GALNT18: variants seen among roughly 807,000 people sequenced by gnomAD.
The protein encoded by GALNT18 is polypeptide N-acetylgalactosaminyltransferase 18, also known as GalNAc-transferase 18.
A neutral mutation model predicts 69.5 loss-of-function variants in GALNT18; 44 were observed. The observed-to-expected ratio is 0.63, with a 90% CI of 0.50 to 0.81. The LOEUF (loss-of-function observed/expected upper bound fraction) is 0.81. Ranked by LOEUF, GALNT18 falls within the 40% of genes least tolerant of loss-of-function variation. GALNT18 has a pLI of 0.00. For missense variants in GALNT18, 715 were observed against 810.0 expected (o/e 0.88, Z 1.42); for synonymous variants, 364 against 318.2 (o/e 1.14, Z -1.53).
chr11:11,338,203 A>G lies in GALNT18; in HGVS notation c.1278+2616T>C, dbSNP rs1226303109. Among the ~76,000 whole-genome samples, 1 of 152,024 alleles carries G rather than the reference A, an allele frequency of 6.6e-6. No individual in the cohort carries two copies. Among genetic ancestry groups the G allele is most frequent in the Non-Finnish European group, 1.5e-5 (1 of 67,984 alleles). ...GGCTGTTCTTGAACTCCTGACCCCA[A>G]GTGATTCACCCACCTCAGCCTCCCA... On this transcript the variant is annotated intron_variant, in intron 7 of 10. Transcript: ENST00000227756. The surrounding 1 kb of genome is among the most constrained non-coding windows in gnomAD (Gnocchi z 5.3).
chr11:11,595,953 G>C lies in GALNT18; in HGVS notation c.235+25406C>G, dbSNP rs1297183815. Among the ~76,000 whole-genome samples, 1 of 151,950 alleles carries C rather than the reference G, an allele frequency of 6.6e-6. No homozygotes were observed. The highest frequency in any genetic ancestry group is 1.5e-5 in the Non-Finnish European group (1 of 67,958). The stretch of plus-strand genomic sequence containing the variant: ...GTGCTTTTGATGTCATACCTAAGTG[G>C]CCTTTGCCTAATCTAAAGTCACAAA... On this transcript the variant is annotated intron_variant, in intron 1 of 10. Coordinates refer to ENST00000227756, the MANE Select transcript of GALNT18 (RefSeq NM_198516.3). This position sits in a 1 kb window ranked among gnomAD's most constrained non-coding sequence, Gnocchi z 5.2.
intron 2 of GALNT18, among the ~76,000 whole-genome samples, chr11:11,445,338 A>T (rs75315100): frequency 0.019 from 2,964 of 152,314 alleles, 104 homozygotes; most frequent in African/African-American, 0.068. Flanking sequence ...TACTGTGAAG[A>T]CTCAAGGAGT....
rs796257445 is a variant in GALNT18 at position 11,494,077 on chromosome 11, A to C, written c.236-45141T>G. Among the ~76,000 whole-genome samples the C allele has an allele frequency of 2.0e-5, 3 of 152,354 alleles. No individual in the cohort carries two copies. The highest frequency in any genetic ancestry group is 7.2e-5 in the African/African-American group (3 of 41,588). On this transcript the variant is annotated intron_variant, in intron 1 of 10. Coordinates refer to ENST00000227756, the MANE Select transcript of GALNT18 (RefSeq NM_198516.3). The surrounding 1 kb of genome is among the most constrained non-coding windows in gnomAD (Gnocchi z 5.7). The stretch of plus-strand genomic sequence containing the variant: ...GCTCAGAGTGCTGCTGCAAGGATTT[A>C]GTGAAGCCATGCATATAAAGAACTT...
chr11:11,407,876 G>A (rs949911691), intron 3 of GALNT18, among the ~76,000 whole-genome samples: 7 of 152,188 alleles, frequency 4.6e-5, no homozygotes, highest in African/African-American at 1.4e-4. Context: ...GGCCAGGGCA[G>A]AGCTCCCAGC....
intron 2 of GALNT18, among the ~76,000 whole-genome samples, chr11:11,443,448 G>A (rs945704111): frequency 3.3e-5 from 5 of 152,096 alleles, no homozygotes; most frequent in African/African-American, 9.7e-5. Flanking sequence ...GCATGTGTAC[G>A]CCTCTGTAGT....
At position 11,459,398 on chromosome 11, in the gene GALNT18, T is replaced by C; in HGVS notation, c.236-10462A>G. Among the ~76,000 whole-genome samples, 1 of 152,150 alleles carries C rather than the reference T, an allele frequency of 6.6e-6. No homozygotes were observed. Among genetic ancestry groups the C allele is most frequent in the East Asian group, 1.9e-4 (1 of 5,166 alleles). On this transcript the variant is annotated intron_variant, in intron 1 of 10. Transcript: ENST00000227756. This position sits in a 1 kb window ranked among gnomAD's most constrained non-coding sequence, Gnocchi z 5.0. ...CTCTGTGCGAGGACTTTATTCAGCA[T>C]GGCAAAGGAAATCTAGGATGGCTTC...
At chr11:11,539,743 C>T (rs1857868465) in intron 1 of GALNT18, among the ~76,000 whole-genome samples, 1 of 152,094 alleles carries the variant, frequency 6.6e-6, no homozygotes, top group South Asian at 2.1e-4. Flanking sequence ...AAAGACTTTG[C>T]CCAAAGACTG....
In GALNT18 at chr11:11,562,276, T is replaced by C. The variant is rs770078776; in HGVS notation, c.235+59083A>G. Among the ~76,000 whole-genome samples the C allele has an allele frequency of 1.6e-4, 25 of 152,296 alleles. No homozygotes were observed. Among genetic ancestry groups the C allele is most frequent in the Admixed American group, 4.6e-4 (7 of 15,298 alleles). On this transcript the variant is annotated intron_variant, in intron 1 of 10. Coordinates refer to ENST00000227756, the MANE Select transcript of GALNT18 (RefSeq NM_198516.3). This position sits in a 1 kb window ranked among gnomAD's most constrained non-coding sequence, Gnocchi z 4.1. ...TTTGGCTTCTGGCTGGCTGTCTTCTTGTGTCTCTTCACTTCATATGCCCCT... is the reference window on the plus strand; with the variant it reads ...TTTGGCTTCTGGCTGGCTGTCTTCTCGTGTCTCTTCACTTCATATGCCCCT...
At chr11:11,342,378 C>T (rs1324442744) in intron 6 of GALNT18, among the ~76,000 whole-genome samples, 1 of 152,198 alleles carries the variant, frequency 6.6e-6, no homozygotes, top group Non-Finnish European at 1.5e-5. Context: ...TTGCCAGATA[C>T]TGTCAACATC....
chr11:11,487,189 ATAT>A, intron 1 of GALNT18, among the ~76,000 whole-genome samples: 1 of 152,162 alleles, frequency 6.6e-6, no homozygotes, highest in East Asian at 1.9e-4. Flanking sequence ...TGTCTTCATG[ATAT>A]TATTATAAAA....
intron 6 of GALNT18, chr11:11,352,893 TTC>T (rs1564906645): frequency 1.2e-6 from 2 of 1,614,206 alleles, no homozygotes; most frequent in South Asian, 2.2e-5. Flanking sequence ...CTTAATTTTC[TTC>T]TTTTTTACTG....
chr11:11,471,169 G>A (rs1423806603), intron 1 of GALNT18, among the ~76,000 whole-genome samples: 1 of 152,008 alleles, frequency 6.6e-6, no homozygotes, highest in South Asian at 2.1e-4. Flanking sequence ...CCTGGCTTCC[G>A]CCTGTCCATC....
At chr11:11,362,940 T>C (rs1379995675) in intron 6 of GALNT18, among the ~76,000 whole-genome samples, 3 of 152,158 alleles carry the variant, frequency 2.0e-5, no homozygotes, top group Non-Finnish European at 4.4e-5. Flanking sequence ...GAACAAACTA[T>C]AAAATGTTTA....
chr11:11,428,672 C>G (rs867907539), intron 3 of GALNT18, among the ~76,000 whole-genome samples: 2 of 152,236 alleles, frequency 1.3e-5, no homozygotes, highest in South Asian at 4.1e-4. Context: ...CATTAAATCA[C>G]TAGCAGTAAA....
At chr11:11,521,469 C>G (rs1857397651) in intron 1 of GALNT18, among the ~76,000 whole-genome samples, 1 of 152,018 alleles carries the variant, frequency 6.6e-6, no homozygotes, top group Admixed American at 6.5e-5. Context: ...TAGTGACTTG[C>G]TCTCCAGTTC....
rs1388394076 is a variant in GALNT18, at chr11:11,497,370, A to ACACACACACACACACACACACC, written c.236-48435_236-48434insGGTGTGTGTGTGTGTGTGTGTG. 5.2e-5 allele frequency among the ~76,000 whole-genome samples: 7 copies of ACACACACACACACACACACACC among 134,716 alleles called. No homozygotes were observed. The highest frequency in any genetic ancestry group is 7.8e-5 in the Non-Finnish European group (5 of 63,842). The allele number at this position is 134,716 out of a possible 152,430, so 88.4% of individuals were successfully genotyped here. On this transcript the variant is annotated intron_variant, in intron 1 of 10. Coordinates refer to ENST00000227756, the MANE Select transcript of GALNT18 (RefSeq NM_198516.3). This position sits in a 1 kb window ranked among gnomAD's most constrained non-coding sequence, Gnocchi z 4.2. ...CACACACACACACACACACACACAC[A>ACACACACACACACACACACACC]CCCCTTAGAATGGGGCTCCTTAAGA...
At chr11:11,455,032 C>T (rs1230838735) in intron 1 of GALNT18, among the ~76,000 whole-genome samples, 2 of 152,178 alleles carry the variant, frequency 1.3e-5, no homozygotes, top group African/African-American at 4.8e-5. Context: ...CATTCCTGCC[C>T]ATCCCCAGGG....
intron 1 of GALNT18, among the ~76,000 whole-genome samples, chr11:11,576,347 G>C (rs146688344): frequency 6.6e-6 from 1 of 152,346 alleles, no homozygotes; most frequent in East Asian, 1.9e-4. Flanking sequence ...ACATCTAAAT[G>C]ACAGAGTATC....
At chr11:11,381,573 T>G (rs1025781230) in intron 3 of GALNT18, among the ~76,000 whole-genome samples, 1 of 152,150 alleles carries the variant, frequency 6.6e-6, no homozygotes, top group Non-Finnish European at 1.5e-5. Context: ...ACACACTGAG[T>G]CTGGGCTGGA....
Sources: allele counts gnomAD v4.1 joint callset (sites outside exome capture counted in the v4.1 genomes callset), GRCh38; gene constraint gnomAD v4.1.1; non-coding constraint Gnocchi (gnomAD v3.1); transcripts MANE v1.5; gene names NCBI Gene and HGNC (gene_info 2026-07-23, HGNC 2026-07-21).